Variants in ADAMTS10 observed in about 807,000 individuals in gnomAD.
ADAMTS10 encodes A disintegrin and metalloproteinase with thrombospondin motifs 10.
In ADAMTS10, 48 loss-of-function variants were observed where a neutral mutation model predicts 135.9. The observed-to-expected ratio is 0.35, with a 90% CI of 0.28 to 0.45. The LOEUF is 0.45. Ranked by LOEUF, ADAMTS10 falls within the 20% of genes least tolerant of loss-of-function variation. The probability of loss-of-function intolerance (pLI) is 1.00; values close to 1 mark genes in which losing one functional copy is unlikely to be tolerated. For synonymous variants in ADAMTS10, 621 were observed against 647.5 expected, an observed-to-expected ratio of 0.96 and a Z score of 0.62; for missense variants, 1,131 against 1,565.2, an observed-to-expected ratio of 0.72 and a Z score of 4.68.
intron 5 of ADAMTS10, among the ~76,000 whole-genome samples, chr19:8,602,317 T>A (rs781812121): frequency 2.6e-5 from 4 of 152,104 alleles, no homozygotes; most frequent in Non-Finnish European, 5.9e-5. Flanking sequence ...CCATCTAACA[T>A]TCATCTGATT....
At position 8,605,282 on chromosome 19, in the gene ADAMTS10, G is replaced by A; in HGVS notation, c.165C>T (p.Ala55=). 6.2e-7 allele frequency: 1 copy of A among 1,612,682 alleles called. No homozygotes were observed. Among genetic ancestry groups the A allele is most frequent in the Non-Finnish European group, 8.5e-7 (1 of 1,179,432 alleles). ...GCCTCCGGGGAGGAGGTGGCGAGAA[G>A]GCCAGCAGTGCCCCGTTGTGGTCCA... ...TRVDHNGALL[A]FSPPPPRRQR... The change falls in exon 4 of 26, where the codon GCC becomes GCT. Residue 55 remains alanine (A), a synonymous_variant. Coordinates refer to ENST00000597188, the MANE Select transcript of ADAMTS10 (RefSeq NM_030957.4). The surrounding 1 kb of genome is among the most constrained non-coding windows in gnomAD (Gnocchi z 7.7).
At chr19:8,595,552 T>G in intron 12 of ADAMTS10, 1 of 720,348 alleles carries the variant, frequency 1.4e-6, no homozygotes, top group Admixed American at 2.4e-5. Context: ...GTGATCCCAT[T>G]TTTGTTCCCA....
rs142809062 is a variant in ADAMTS10, at chr19:8,605,641, G to A, written c.70C>T (p.His24Tyr). The A allele has an allele frequency of 2.1e-5, 34 of 1,613,468 alleles. No homozygotes were observed. The highest frequency in any genetic ancestry group is 2.8e-5 in the Non-Finnish European group (33 of 1,179,944). ...CCCCTACCTTGAGACCGGAAGGCGT[G>A]CGTGACCTCGAACATGAGGCCCAGC... ...LGLGLMFEVT[H>Y]AFRSQDEFLS... Residue 24 changes from histidine (H) to tyrosine (Y), a missense_variant, in exon 3 of 26, where the codon CAC becomes TAC. Around this residue, in one of 3 missense-constraint regions of ADAMTS10, gnomAD observed 306 missense variants for 344.4 expected, o/e 0.89. Coordinates refer to ENST00000597188, the MANE Select transcript of ADAMTS10 (RefSeq NM_030957.4). The surrounding 1 kb of genome is among the most constrained non-coding windows in gnomAD (Gnocchi z 7.7).
chr19:8,582,447 G>T (rs782370575), intron 25 of ADAMTS10: 1 of 152,246 alleles, frequency 6.6e-6, no homozygotes, highest in African/African-American at 2.4e-5. Context: ...CAGCCTGGGC[G>T]ACAGTGAGAC....
chr19:8,610,422 G>GACAC (rs111492620), intron 1 of ADAMTS10, among the ~76,000 whole-genome samples: 3,601 of 145,392 alleles, frequency 0.025, 82 homozygotes, highest in African/African-American at 0.051. Flanking sequence ...TACGTGGACG[G>GACAC]ACACACACAC....
intron 19 of ADAMTS10, 22 bp downstream of exon 19, chr19:8,586,794 C>T (rs782642417): frequency 6.2e-7 from 1 of 1,614,106 alleles, no homozygotes; most frequent in South Asian, 1.1e-5. Context: ...TAATCCTCAT[C>T]CCCTCCCCAC....
At chr19:8,588,684 G>A (rs62119440) in intron 18 of ADAMTS10, among the ~76,000 whole-genome samples, 1 of 152,090 alleles carries the variant, frequency 6.6e-6, no homozygotes, top group African/African-American at 2.4e-5. Flanking sequence ...ATTCATTCTC[G>A]CAGCTCCTCT....
At chr19:8,594,443 A>G (rs2042580192) in intron 12 of ADAMTS10, among the ~76,000 whole-genome samples, 1 of 152,222 alleles carries the variant, frequency 6.6e-6, no homozygotes, top group African/African-American at 2.4e-5. Flanking sequence ...TTTAGTAAAT[A>G]AATCCCCCTT....
chr19:8,586,408 G>A lies in ADAMTS10; in HGVS notation c.2466C>T (p.Asp822=), dbSNP rs781964363. The part of the protein sequence containing the change: ...RYRFNAPIAR[D]SLPPYSWHYA... Reference sequence around the variant, plus strand: ...AGTGCCAGGAGTAGGGGGGCAGCGAGTCACGGGCGATGGGGGCATTGAAGC... The same window carrying A: ...AGTGCCAGGAGTAGGGGGGCAGCGAATCACGGGCGATGGGGGCATTGAAGC... Residue 822 remains aspartate, a synonymous_variant, in exon 21 of 26, where the codon GAC becomes GAT. Coordinates refer to ENST00000597188, the MANE Select transcript of ADAMTS10 (RefSeq NM_030957.4). 2.5e-6 allele frequency: 4 copies of A among 1,613,964 alleles called. No individual in the cohort carries two copies. Among genetic ancestry groups the A allele is most frequent in the Non-Finnish European group, 3.4e-6 (4 of 1,180,004 alleles).
chr19:8,600,437 T>G (rs942806896), intron 6 of ADAMTS10, among the ~76,000 whole-genome samples: 1 of 151,438 alleles, frequency 6.6e-6, no homozygotes, highest in South Asian at 2.1e-4. Flanking sequence ...CCTACCTTCC[T>G]TCCTTCCTTC....
chr19:8,582,992 C>T (rs2042374532), intron 25 of ADAMTS10, among the ~76,000 whole-genome samples: 1 of 152,204 alleles, frequency 6.6e-6, no homozygotes, highest in African/African-American at 2.4e-5. Context: ...CTATGTCTCT[C>T]AGGCTGGTCT....
intron 13 of ADAMTS10, among the ~76,000 whole-genome samples, chr19:8,592,372 G>C (rs1247589596): frequency 6.6e-6 from 1 of 151,618 alleles, no homozygotes; most frequent in African/African-American, 2.4e-5. Context: ...ACGAGGTGGG[G>C]CGTGGCTTCA....
At chr19:8,602,255 T>C (rs1201227033) in intron 5 of ADAMTS10, among the ~76,000 whole-genome samples, 1 of 152,204 alleles carries the variant, frequency 6.6e-6, no homozygotes. Flanking sequence ...AGCATCCTAC[T>C]CATAGAGTAT....
intron 13 of ADAMTS10, 102 bp from the exon 14 acceptor site, chr19:8,592,205 C>T: frequency 1.7e-6 from 2 of 1,193,608 alleles, no homozygotes. Flanking sequence ...ATATCAGCCT[C>T]TCCGGGATGG....
rs781800851 is a variant in ADAMTS10, at chr19:8,586,329, C to G, written c.2530+15G>C. 5 of 1,613,456 alleles carry G rather than the reference C, an allele frequency of 3.1e-6. No individual in the cohort carries two copies. Among genetic ancestry groups the G allele is most frequent in the Admixed American group, 1.7e-5 (1 of 59,982 alleles). On this transcript the variant is annotated intron_variant, in intron 21 of 25. Transcript: ENST00000597188. ...AGCCCAGGTATCTTGTGCCTTCCCC[C>G]ACCCCCGGCCTCACCGCCTGCACAC...
rs1411245050 is a variant in ADAMTS10, at chr19:8,585,806, G to A, written c.2661-146C>T. On this transcript the variant is annotated intron_variant, in intron 22 of 25. Coordinates refer to ENST00000597188, the MANE Select transcript of ADAMTS10 (RefSeq NM_030957.4). ...CAGGCACCTCCACATTCCACACTTGGGGCATCGTTAGCCTGCACCCAGACT... is the reference window on the plus strand; with the variant it reads ...CAGGCACCTCCACATTCCACACTTGAGGCATCGTTAGCCTGCACCCAGACT... The A allele has an allele frequency of 4.4e-6, 4 of 899,062 alleles. No homozygotes were observed. The African/African-American group carries it at 6.7e-5, about 15-fold the overall frequency. 55.7% of individuals were successfully genotyped at this position (899,062 alleles called of 1,614,324 possible).
intron 2 of ADAMTS10, among the ~76,000 whole-genome samples, chr19:8,606,747 T>C (rs1227879354): frequency 2.0e-5 from 3 of 152,066 alleles, no homozygotes; most frequent in Admixed American, 6.6e-5. Context: ...GGTTCATTCA[T>C]TGGGTTATAG....
Position 8,586,447 on chromosome 19 carries a change from A to G in ADAMTS10, c.2427T>C (p.Pro809=). 6.2e-7 allele frequency: 1 copy of G among 1,613,832 alleles called. No homozygotes were observed. Among genetic ancestry groups the G allele is most frequent in the Non-Finnish European group, 8.5e-7 (1 of 1,179,990 alleles). ...IVMVLARTEL[P]ALRYRFNAPI... ...GGGCATTGAAGCGGTAGCGGAGGGC[A>G]GGCAGCTCGGTCCGGGCCAGCACCT... The change falls in exon 21 of 26, where the codon CCT becomes CCC. Residue 809 remains proline, a synonymous_variant. Coordinates refer to ENST00000597188, the MANE Select transcript of ADAMTS10 (RefSeq NM_030957.4).
intron 12 of ADAMTS10, 61 bp from the exon 13 acceptor site, chr19:8,592,931 C>A: frequency 6.6e-7 from 1 of 1,506,238 alleles, no homozygotes; most frequent in East Asian, 2.3e-5. Flanking sequence ...GGCAGCCCGC[C>A]CGGCTTGGGA....
Sources: allele counts gnomAD v4.1 joint callset (sites outside exome capture counted in the v4.1 genomes callset), GRCh38; gene constraint gnomAD v4.1.1; regional missense constraint gnomAD v4.1.1; non-coding constraint Gnocchi (gnomAD v3.1); transcripts MANE v1.5; gene names NCBI Gene and HGNC (gene_info 2026-07-23, HGNC 2026-07-21).